FBXW4: variants seen among roughly 807,000 people sequenced by gnomAD.
The protein encoded by FBXW4 is F-box and WD repeat domain containing 4, also known as F-box/WD repeat-containing protein 4.
In FBXW4, 40 loss-of-function variants were observed where a neutral mutation model predicts 61.8. The ratio of observed to expected loss-of-function variants is 0.65; its 90% CI spans 0.50 to 0.84. FBXW4 has a LOEUF of 0.84. FBXW4 is among the 40% of genes least tolerant of loss of function. The pLI is 0.00. For missense variants in FBXW4, 672 were observed against 753.8 expected, an observed-to-expected ratio of 0.89 and a Z score of 1.27; for synonymous variants, 311 against 313.8, an observed-to-expected ratio of 0.99 and a Z score of 0.10.
intron 5 of FBXW4, among the ~76,000 whole-genome samples, chr10:101,656,310 C>A (rs1564916367): frequency 1.3e-5 from 2 of 152,120 alleles, no homozygotes; most frequent in Non-Finnish European, 2.9e-5. Flanking sequence ...CCAAAGCATC[C>A]AGAGGCAACA....
At chr10:101,627,431 A>G (rs2063916163) in intron 5 of FBXW4, among the ~76,000 whole-genome samples, 1 of 152,128 alleles carries the variant, frequency 6.6e-6, no homozygotes, top group Admixed American at 6.5e-5. Flanking sequence ...CACCCAAACC[A>G]TGGGGCCTGC....
intron 5 of FBXW4, among the ~76,000 whole-genome samples, chr10:101,666,355 G>T (rs2064300318): frequency 6.6e-6 from 1 of 152,132 alleles, no homozygotes; most frequent in South Asian, 2.1e-4. Flanking sequence ...TGTGTTTCAG[G>T]TCCTGCTATA....
intron 5 of FBXW4, among the ~76,000 whole-genome samples, chr10:101,658,281 G>A (rs115414728): frequency 2.0e-5 from 3 of 152,078 alleles, no homozygotes; most frequent in South Asian, 2.1e-4. Flanking sequence ...GCATGGTGGC[G>A]CACATCTATA....
chr10:101,692,872 C>G (rs2064625896), intron 1 of FBXW4, among the ~76,000 whole-genome samples: 4 of 151,358 alleles, frequency 2.6e-5, no homozygotes, highest in Admixed American at 2.6e-4. Context: ...TCACAAAAGA[C>G]TGGCAGAGCC....
intron 6 of FBXW4, among the ~76,000 whole-genome samples, chr10:101,621,575 G>A (rs774952969): frequency 1.3e-5 from 2 of 152,146 alleles, no homozygotes; most frequent in Non-Finnish European, 2.9e-5. Flanking sequence ...TAGTTTGGGT[G>A]GGAAGGAAGA....
In FBXW4 at chr10:101,695,127, G is replaced by A; in HGVS notation, c.-22C>T. 1 of 985,170 alleles carries A rather than the reference G, an allele frequency of 1.0e-6. No individual in the cohort carries two copies. Among genetic ancestry groups the A allele is most frequent in the Non-Finnish European group, 1.2e-6 (1 of 830,086 alleles). 61.0% of individuals were successfully genotyped at this position (985,170 alleles called of 1,614,324 possible). On this transcript the variant is annotated 5_prime_UTR_variant, in exon 1 of 9. Transcript: ENST00000331272. The surrounding 1 kb of genome is among the most constrained non-coding windows in gnomAD (Gnocchi z 4.2). The stretch of plus-strand genomic sequence containing the variant: ...CCATGAGCGGCCGCGGGGCCGGCCC[G>A]ACGCGGAGCCCAGCCCGAGCCGCCA...
chr10:101,679,502 C>T (rs1410786221), intron 1 of FBXW4, among the ~76,000 whole-genome samples: 1 of 152,022 alleles, frequency 6.6e-6, no homozygotes, highest in African/African-American at 2.4e-5. Context: ...ATATAACAAA[C>T]AGAAAATTGT....
intron 1 of FBXW4, among the ~76,000 whole-genome samples, chr10:101,687,696 C>T (rs996665373): frequency 3.3e-5 from 5 of 152,144 alleles, no homozygotes; most frequent in African/African-American, 4.8e-5. Context: ...CATACAAATA[C>T]GAATCCCCCT....
intron 5 of FBXW4, among the ~76,000 whole-genome samples, chr10:101,629,073 A>G (rs1213982039): frequency 1.3e-5 from 2 of 152,216 alleles, no homozygotes; most frequent in Non-Finnish European, 2.9e-5. Context: ...AAAAATAACA[A>G]GACATAGAAA....
rs1004660958 is a variant in FBXW4, at chr10:101,645,447, T to C, written c.1236-20637A>G. On this transcript the variant is annotated intron_variant, in intron 5 of 8. Coordinates refer to ENST00000331272, the MANE Select transcript of FBXW4 (RefSeq NM_022039.4). ...CTGTGTCAGTCCTGTGTCTCACTTG[T>C]ACAGGACACCCTCTCCCCGTCACCT... 6.6e-5 allele frequency among the ~76,000 whole-genome samples: 10 copies of C among 152,328 alleles called. No individual in the cohort carries two copies. The East Asian group carries it at 1.2e-3, about 18-fold the overall frequency.
In FBXW4 at chr10:101,611,099, AG is replaced by A; in HGVS notation, c.*191del. ...CCTGCCTCTCCAACAGGTTCCTGGG[AG>A]GGACTGCATCTCTGGTAAGCTCCAA... On this transcript the variant is annotated 3_prime_UTR_variant, in exon 9 of 9. Coordinates refer to ENST00000331272, the MANE Select transcript of FBXW4 (RefSeq NM_022039.4). This position sits in a 1 kb window ranked among gnomAD's most constrained non-coding sequence, Gnocchi z 4.9. The A allele has an allele frequency of 1.6e-6, 1 of 636,480 alleles. No individual in the cohort carries two copies. 39.4% of individuals were successfully genotyped at this position (636,480 alleles called of 1,614,324 possible). A position where few individuals can be genotyped will look rare whatever the true frequency, so the allele number is the denominator to read the frequency against.
intron 5 of FBXW4, among the ~76,000 whole-genome samples, chr10:101,631,741 C>T (rs959988234): frequency 1.3e-5 from 2 of 151,876 alleles, no homozygotes; most frequent in African/African-American, 2.4e-5. Context: ...AATTCTTCTG[C>T]CTCAGCCTCC....
At chr10:101,660,316 GGAAGT>G in intron 5 of FBXW4, 1 of 244,800 alleles carries the variant, frequency 4.1e-6, no homozygotes, top group Non-Finnish European at 6.3e-6. Flanking sequence ...CACTTGCTTG[GGAAGT>G]TGGGTTGGGA....
In FBXW4 at chr10:101,611,338, C is replaced by T. The variant is rs200476624; in HGVS notation, c.1657G>A (p.Ala553Thr). 316 of 1,614,016 alleles carry T rather than the reference C, an allele frequency of 2.0e-4. 1 individual carries two copies. Among genetic ancestry groups the T allele is most frequent in the Non-Finnish European group, 2.4e-4 (286 of 1,180,020 alleles). ...ACGTGGAGGTTGTAAGACAGGGCAG[C>T]ATAGAGATGCTTGGTGGTGAGACGC... ...CLRLTTKHLY[A>T]ALSYNLHVLD... Residue 553 changes from alanine (A) to threonine (T), a missense_variant, in exon 9 of 9, where the codon GCT (alanine) becomes ACT (threonine). This residue lies in a region of FBXW4 where 312 missense variants were observed against 370.1 expected (regional missense o/e 0.84). Transcript: ENST00000331272. The surrounding 1 kb of genome is among the most constrained non-coding windows in gnomAD (Gnocchi z 4.9).
In FBXW4 at chr10:101,694,836, G is replaced by A. The variant is rs1052784405; in HGVS notation, c.270C>T (p.Ser90=). 3.1e-6 allele frequency: 4 copies of A among 1,291,606 alleles called. No individual in the cohort carries two copies. In the African/African-American group the frequency reaches 6.2e-5, roughly 20 times the overall value. The allele number at this position is 1,291,606 out of a possible 1,614,324, so 80.0% of individuals were successfully genotyped here. A position where few individuals can be genotyped will look rare whatever the true frequency, so the allele number is the denominator to read the frequency against. ...CPREEAEGGR[S]VEEGARGIVK... ...CGATGCCTCTCGCCCCTTCCTCCACGCTTCTGCCTCCCTCTGCTTCCTCCC... is the reference window on the plus strand; with the variant it reads ...CGATGCCTCTCGCCCCTTCCTCCACACTTCTGCCTCCCTCTGCTTCCTCCC... The change falls in exon 1 of 9, where the codon AGC becomes AGT. Residue 90 remains serine (S), a synonymous_variant. Transcript: ENST00000331272. This position sits in a 1 kb window ranked among gnomAD's most constrained non-coding sequence, Gnocchi z 6.0.
chr10:101,661,595 C>T (rs904166284), intron 5 of FBXW4, among the ~76,000 whole-genome samples: 23 of 152,110 alleles, frequency 1.5e-4, no homozygotes, highest in Admixed American at 1.3e-3. Flanking sequence ...CATCTTTCTC[C>T]GGGTGTCATG....
intron 5 of FBXW4, among the ~76,000 whole-genome samples, chr10:101,632,972 A>G (rs1564907840): frequency 6.6e-6 from 1 of 152,214 alleles, no homozygotes; most frequent in Non-Finnish European, 1.5e-5. Flanking sequence ...AATTAATACC[A>G]GGGTCAGATG....
intron 5 of FBXW4, among the ~76,000 whole-genome samples, chr10:101,634,517 A>T (rs2063984392): frequency 6.7e-6 from 1 of 149,470 alleles, no homozygotes; most frequent in South Asian, 2.1e-4. Context: ...GGATCAAAAC[A>T]TACTTTGTAT....
chr10:101,612,393 C>T lies in FBXW4; in HGVS notation c.1386G>A (p.Leu462=), dbSNP rs1394316979. 1 of 1,601,258 alleles carries T rather than the reference C, an allele frequency of 6.2e-7. No individual in the cohort carries two copies. Among genetic ancestry groups the T allele is most frequent in the Non-Finnish European group, 8.5e-7 (1 of 1,173,514 alleles). ...LDVMYESPFT[L]LSCGYDTYVR... ...CATAGGTGTCATAGCCACAGGACAG[C>T]AGTGTGAAAGGGGACTCATACATGA... Residue 462 remains leucine, a synonymous_variant, in exon 7 of 9, where the codon CTG becomes CTA. Coordinates refer to ENST00000331272, the MANE Select transcript of FBXW4 (RefSeq NM_022039.4).
Sources: gnomAD v4.1 joint callset for allele counts (sites outside exome capture counted in the v4.1 genomes callset) on GRCh38, gnomAD v4.1.1 for gene constraint, gnomAD v4.1.1 regional missense constraint, Gnocchi (gnomAD v3.1) non-coding constraint, MANE v1.5 for transcripts, NCBI Gene and HGNC (gene_info 2026-07-23, HGNC 2026-07-21) for gene names.